The following HMCN1 variants were observed in gnomAD, a reference collection of about 807,000 sequenced individuals.
HMCN1 encodes hemicentin 1.
In HMCN1, 321 loss-of-function variants were observed where a neutral mutation model predicts 625.9. The ratio of observed to expected loss-of-function variants is 0.51; its 90% CI spans 0.47 to 0.56. The LOEUF is 0.56. Ranked by LOEUF, HMCN1 falls within the 20% of genes least tolerant of loss-of-function variation. The pLI is 0.00. For missense variants in HMCN1, 6,588 were observed against 6,887.3 expected, an observed-to-expected ratio of 0.96 and a Z score of 1.54; for synonymous variants, 2,425 against 2,417.6, an observed-to-expected ratio of 1.00 and a Z score of -0.09.
At chr1:185,788,535 G>A (rs1288673566) in intron 1 of HMCN1, among the ~76,000 whole-genome samples, 2 of 152,156 alleles carry the variant, frequency 1.3e-5, no homozygotes, top group Non-Finnish European at 2.9e-5. Flanking sequence ...GTTTTGCCAT[G>A]TCGTTTAAAT....
At chr1:185,984,116 C>A in intron 18 of HMCN1, 53 bp from the exon 19 acceptor site, 1 of 1,470,196 alleles carries the variant, frequency 6.8e-7, no homozygotes, top group Non-Finnish European at 9.4e-7. Context: ...TCATTTTTGA[C>A]TCTCACAAAT....
At position 186,000,156 on chromosome 1, in the gene HMCN1, C is replaced by T. The variant is rs1653078957; in HGVS notation, c.3986C>T (p.Thr1329Ile). Reference protein sequence around the residue: ...DGTLLVIASVTPYDNGEYICV... With the variant: ...DGTLLVIASVIPYDNGEYICV... ...ACATTGCTGGTTATTGCTTCTGTTACACCCTATGACAATGGGGAGTACATC... is the reference window on the plus strand; with the variant it reads ...ACATTGCTGGTTATTGCTTCTGTTATACCCTATGACAATGGGGAGTACATC... The change falls in exon 26 of 107, where the codon ACA becomes ATA. Residue 1329 changes from threonine to isoleucine, a missense_variant. Coordinates refer to ENST00000271588, the MANE Select transcript of HMCN1 (RefSeq NM_031935.3). The T allele has an allele frequency of 1.2e-6, 2 of 1,613,008 alleles. No individual in the cohort carries two copies. The highest frequency in any genetic ancestry group is 2.2e-5 in the East Asian group (1 of 44,850).
chr1:185,793,661 T>A (rs1465875307), intron 1 of HMCN1, among the ~76,000 whole-genome samples: 5 of 152,252 alleles, frequency 3.3e-5, no homozygotes, highest in Admixed American at 6.5e-5. Flanking sequence ...AGATTTAAAA[T>A]GCTGATTAAT....
intron 40 of HMCN1, among the ~76,000 whole-genome samples, chr1:186,044,449 G>A (rs1331211924): frequency 6.6e-6 from 1 of 152,088 alleles, no homozygotes; most frequent in African/African-American, 2.4e-5. Context: ...TCCCTCTGTA[G>A]CAGACATGGT....
chr1:186,016,075 T>C lies in HMCN1; in HGVS notation c.5027T>C (p.Leu1676Ser), dbSNP rs777985556. ...AGNPSPILTW[L>S]KDGVPVKAND... Reference sequence around the variant, plus strand: ...AACCCTTCTCCCATTCTCACCTGGTTGAAAGATGGTGTACCTGTGAAAGCT... The same window carrying C: ...AACCCTTCTCCCATTCTCACCTGGTCGAAAGATGGTGTACCTGTGAAAGCT... The change falls in exon 32 of 107, where the codon TTG becomes TCG. Residue 1676 changes from leucine (L) to serine (S), a missense_variant. Leu to Ser is a moderately radical substitution (Grantham distance 145). Coordinates refer to ENST00000271588, the MANE Select transcript of HMCN1 (RefSeq NM_031935.3). 6.2e-7 allele frequency: 1 copy of C among 1,613,472 alleles called. No individual in the cohort carries two copies. The highest frequency in any genetic ancestry group is 1.1e-5 in the South Asian group (1 of 91,080).
At chr1:186,166,416 G>A (rs1558275414) in intron 99 of HMCN1, 113 bp downstream of exon 99, 2 of 1,340,948 alleles carry the variant, frequency 1.5e-6, no homozygotes, top group African/African-American at 1.5e-5. Flanking sequence ...CCACACCTTG[G>A]CAACAAACAA....
intron 85 of HMCN1, among the ~76,000 whole-genome samples, chr1:186,132,014 C>A (rs1661963617): frequency 6.6e-6 from 1 of 151,940 alleles, no homozygotes; most frequent in Non-Finnish European, 1.5e-5. Context: ...TAAGATAATT[C>A]CAGATAGATG....
chr1:185,933,602 A>G lies in HMCN1; in HGVS notation c.1606A>G (p.Arg536Gly). 6.2e-7 allele frequency: 1 copy of G among 1,613,954 alleles called. No homozygotes were observed. The highest frequency in any genetic ancestry group is 8.5e-7 in the Non-Finnish European group (1 of 1,179,894). Reference sequence around the variant, plus strand: ...CAATGTTACAGTCACTCCTGGAGAGAGAGCAGTTTTAACATGTCTCATCAT... The same window carrying G: ...CAATGTTACAGTCACTCCTGGAGAGGGAGCAGTTTTAACATGTCTCATCAT... Reference protein sequence around the residue: ...PNNVTVTPGERAVLTCLIISA... With the variant: ...PNNVTVTPGEGAVLTCLIISA... The change falls in exon 11 of 107, where the codon AGA becomes GGA. Residue 536 changes from arginine (R) to glycine (G), a missense_variant. Around this residue, in one of 3 missense-constraint regions of HMCN1, gnomAD observed 4,628 missense variants for 4,853.1 expected, o/e 0.95. Transcript: ENST00000271588.
chr1:185,915,830 T>C (rs9628634), intron 6 of HMCN1, among the ~76,000 whole-genome samples: 13,925 of 152,124 alleles, frequency 0.092, 2,121 homozygotes, highest in African/African-American at 0.31. Context: ...GTGACTCTTA[T>C]GAATAAGCCT....
intron 1 of HMCN1, among the ~76,000 whole-genome samples, chr1:185,839,842 G>C (rs1412166775): frequency 6.6e-6 from 1 of 152,104 alleles, no homozygotes; most frequent in African/African-American, 2.4e-5. Context: ...TATATTTAAA[G>C]TTATACCCCT....
At chr1:186,106,548 C>T (rs1660618496) in intron 69 of HMCN1, among the ~76,000 whole-genome samples, 1 of 151,256 alleles carries the variant, frequency 6.6e-6, no homozygotes, top group Non-Finnish European at 1.5e-5. Context: ...GCAATTTAAA[C>T]CCATGAATAT....
chr1:186,001,679 A>T lies in HMCN1; in HGVS notation c.4286A>T (p.Tyr1429Phe). 1.2e-6 allele frequency: 2 copies of T among 1,608,594 alleles called. No individual in the cohort carries two copies. Among genetic ancestry groups the T allele is most frequent in the Non-Finnish European group, 1.7e-6 (2 of 1,175,126 alleles). Reference sequence around the variant, plus strand: ...GCCACTCCAGAGGATGCAGGAAGATATTCCTGCAAAGCAATTAATATTGCA... The same window carrying T: ...GCCACTCCAGAGGATGCAGGAAGATTTTCCTGCAAAGCAATTAATATTGCA... ...FRATPEDAGRYSCKAINIAGT... is the reference protein window; with the variant it reads ...FRATPEDAGRFSCKAINIAGT... Residue 1429 changes from tyrosine (Y) to phenylalanine (F), a missense_variant, in exon 28 of 107, where the codon TAT (tyrosine) becomes TTT (phenylalanine). This residue lies in a region of HMCN1 where 4,628 missense variants were observed against 4,853.1 expected (regional missense o/e 0.95). Coordinates refer to ENST00000271588, the MANE Select transcript of HMCN1 (RefSeq NM_031935.3).
intron 69 of HMCN1, among the ~76,000 whole-genome samples, chr1:186,104,193 ATCTTCTAT>A (rs1660508965): frequency 6.6e-6 from 1 of 152,184 alleles, no homozygotes; most frequent in Non-Finnish European, 1.5e-5. Context: ...TATTGTAGCA[ATCTTCTAT>A]TCTACTAGTA....
intron 4 of HMCN1, among the ~76,000 whole-genome samples, chr1:185,894,469 C>A (rs573301725): frequency 2.5e-4 from 38 of 152,270 alleles, no homozygotes; most frequent in African/African-American, 8.4e-4. Context: ...TAGGACATTT[C>A]ATTTGTTATA....
intron 1 of HMCN1, among the ~76,000 whole-genome samples, chr1:185,813,118 C>A (rs1164693720): frequency 6.6e-6 from 1 of 152,058 alleles, no homozygotes; most frequent in Admixed American, 6.6e-5. Context: ...CTTTTCAGAG[C>A]CTGACATGGG....
Position 186,189,613 on chromosome 1 carries a change from A to G in HMCN1, c.16643A>G (p.Asn5548Ser). Residue 5548 changes from asparagine to serine, a missense_variant, in exon 107 of 107, where the codon AAT (asparagine) becomes AGT (serine). By Grantham distance (46) the Asn-to-Ser change is conservative (BLOSUM62 1). Around this residue, in one of 3 missense-constraint regions of HMCN1, gnomAD observed 1,954 missense variants for 2,013.1 expected, o/e 0.97. Coordinates refer to ENST00000271588, the MANE Select transcript of HMCN1 (RefSeq NM_031935.3). ...TCCCTCCCATTTGGAATAGCCACCA[A>G]TCAAGATTTAATCCGGCTGGTTGCA... is the stretch of plus-strand genomic sequence containing the variant. ...LVSLPFGIAT[N>S]QDLIRLVAYT... 6.2e-7 allele frequency: 1 copy of G among 1,613,398 alleles called. No individual in the cohort carries two copies. The highest frequency in any genetic ancestry group is 1.7e-5 in the Admixed American group (1 of 59,964).
rs1207048115 is a variant in HMCN1, at chr1:186,130,079, A to G, written c.13018A>G (p.Ile4340Val). 6.2e-7 allele frequency: 1 copy of G among 1,613,244 alleles called. No individual in the cohort carries two copies. The highest frequency in any genetic ancestry group is 8.5e-7 in the Non-Finnish European group (1 of 1,179,382). The change falls in exon 84 of 107, where the codon ATT becomes GTT. Residue 4340 changes from isoleucine (I) to valine (V), a missense_variant. By Grantham distance (29) the Ile-to-Val change is conservative (BLOSUM62 3). Coordinates refer to ENST00000271588, the MANE Select transcript of HMCN1 (RefSeq NM_031935.3). The part of the protein sequence containing the change: ...AENSVGFVKA[I>V]GFVYVKEPPV... ...GAACAGCGTTGGCTTTGTGAAGGCA[A>G]TTGGATTTGTTTATGTGAAAGGTAG...
intron 44 of HMCN1, among the ~76,000 whole-genome samples, chr1:186,054,862 G>A (rs1571787613): frequency 6.6e-6 from 1 of 151,834 alleles, no homozygotes; most frequent in Non-Finnish European, 1.5e-5. Flanking sequence ...CTTTTATTAG[G>A]AGAGCAAAAA....
At chr1:185,953,019 G>C (rs946304927) in intron 11 of HMCN1, among the ~76,000 whole-genome samples, 2 of 151,424 alleles carry the variant, frequency 1.3e-5, no homozygotes, top group Non-Finnish European at 2.9e-5. Flanking sequence ...AGGGATTGGG[G>C]GGTTTTTGCC....
Sources: allele counts gnomAD v4.1 joint callset (sites outside exome capture counted in the v4.1 genomes callset), GRCh38; gene constraint gnomAD v4.1.1; regional missense constraint gnomAD v4.1.1; transcripts MANE v1.5; gene names NCBI Gene and HGNC (gene_info 2026-07-23, HGNC 2026-07-21).